Variants in TBL1XR1 observed in about 807,000 individuals in gnomAD.
The protein encoded by TBL1XR1 is F-box-like/WD repeat-containing protein TBL1XR1.
In TBL1XR1, 5 loss-of-function variants were observed where a neutral mutation model predicts 66.9. The observed-to-expected ratio is 0.07, with a 90% CI of 0.04 to 0.16. The LOEUF (loss-of-function observed/expected upper bound fraction) is 0.16. TBL1XR1 is among the 10% of genes least tolerant of loss of function. The pLI is 1.00. For synonymous variants in TBL1XR1, 210 were observed against 206.0 expected (o/e 1.02, Z -0.17); for missense variants, 238 against 623.2 (o/e 0.38, Z 6.58).
chr3:177,069,765 A>G (rs867046801), intron 2 of TBL1XR1, among the ~76,000 whole-genome samples: 13 of 118,576 alleles, frequency 1.1e-4, no homozygotes, highest in Admixed American at 5.2e-4. Flanking sequence ...GAAAGGAAAG[A>G]AAGGAAGGAA....
intron 1 of TBL1XR1, among the ~76,000 whole-genome samples, chr3:177,162,043 G>A (rs918907621): frequency 7.9e-5 from 12 of 152,246 alleles, no homozygotes; most frequent in Admixed American, 5.9e-4. Context: ...TTGAGGAATG[G>A]TTATAGCAGT....
rs1201300 is a variant in TBL1XR1, at chr3:177,047,465, A to G, written c.766+21T>C. 2.5e-6 allele frequency: 4 copies of G among 1,610,704 alleles called. No homozygotes were observed. The African/African-American group carries it at 5.4e-5, about 22-fold the overall frequency. On this transcript the variant is annotated intron_variant, in intron 8 of 15. Coordinates refer to ENST00000457928, the MANE Select transcript of TBL1XR1 (RefSeq NM_024665.7). ...TATCTTTAGATCAACAACAAAGTAA[A>G]AAGGAAAATGCTTCATTTACCATCT...
rs986244913 is a variant in TBL1XR1, at chr3:177,023,949, C to T, written c.*1549G>A. The T allele has an allele frequency of 2.0e-5, 3 of 151,996 alleles. No homozygotes were observed. Among genetic ancestry groups the T allele is most frequent in the Admixed American group, 6.6e-5 (1 of 15,254 alleles). 9.4% of individuals were successfully genotyped at this position (151,996 alleles called of 1,614,324 possible). A position where few individuals can be genotyped will look rare whatever the true frequency, so the allele number is the denominator to read the frequency against. ...CTGGATTATGTTAATCATGACAAGC[C>T]TTATTAGTCACACATATAAACATGG... On this transcript the variant is annotated 3_prime_UTR_variant, in exon 16 of 16. Transcript: ENST00000457928.
chr3:177,094,035 C>G (rs1338800111), intron 2 of TBL1XR1, among the ~76,000 whole-genome samples: 3 of 152,062 alleles, frequency 2.0e-5, no homozygotes, highest in South Asian at 2.1e-4. Context: ...GCAGAGTAAA[C>G]AGACAACCCA....
chr3:177,042,994 A>C (rs1367604376), intron 10 of TBL1XR1, among the ~76,000 whole-genome samples: 1 of 152,164 alleles, frequency 6.6e-6, no homozygotes, highest in Non-Finnish European at 1.5e-5. Context: ...ATTTCAGTAT[A>C]TTATTAACTT....
intron 14 of TBL1XR1, 101 bp from the exon 15 acceptor site, chr3:177,026,575 G>A: frequency 1.2e-6 from 1 of 808,794 alleles, no homozygotes; most frequent in Non-Finnish European, 1.8e-6. Context: ...CTAGCAATCA[G>A]AGGAGGGACT....
At chr3:177,056,495 C>A (rs1174275575) in intron 3 of TBL1XR1, among the ~76,000 whole-genome samples, 2 of 152,170 alleles carry the variant, frequency 1.3e-5, no homozygotes, top group African/African-American at 2.4e-5. Context: ...AATGAAACAT[C>A]CCTGAAGTAG....
chr3:177,144,036 G>A (rs1444431322), intron 1 of TBL1XR1, among the ~76,000 whole-genome samples: 1 of 151,944 alleles, frequency 6.6e-6, no homozygotes. Context: ...ACCTGAGGTA[G>A]GGAGTTTAAG....
At chr3:177,086,471 T>C (rs7637259) in intron 2 of TBL1XR1, among the ~76,000 whole-genome samples, 33,545 of 151,762 alleles carry the variant, frequency 0.22, 4,053 homozygotes, top group East Asian at 0.5. Context: ...ATATGGGTAG[T>C]CTGTCTTACA....
rs1454909149 is a variant in TBL1XR1 at position 177,159,421 on chromosome 3, GATTT to G, written c.-122+37696_-122+37699del. ...TTCAATGCTGTTGTGAGAACTGTAT[GATTT>G]ATTTAAAAGAAATACTATAGAAAAG... is the stretch of plus-strand genomic sequence containing the variant. On this transcript the variant is annotated intron_variant, in intron 1 of 15. Transcript: ENST00000457928. 7.2e-5 allele frequency among the ~76,000 whole-genome samples: 11 copies of G among 152,106 alleles called. No individual in the cohort carries two copies. In the South Asian group the frequency reaches 1.2e-3, roughly 17 times the overall value.
intron 9 of TBL1XR1, among the ~76,000 whole-genome samples, chr3:177,047,065 G>C (rs752314899): frequency 6.6e-6 from 1 of 152,156 alleles, no homozygotes; most frequent in Non-Finnish European, 1.5e-5. Flanking sequence ...GTATGACATT[G>C]TTTATGGTTC....
chr3:177,114,118 GATGTT>G (rs1451074214), intron 1 of TBL1XR1, among the ~76,000 whole-genome samples: 5 of 152,068 alleles, frequency 3.3e-5, no homozygotes, highest in African/African-American at 7.2e-5. Flanking sequence ...ATGTAGAGTA[GATGTT>G]ATGTGCTCTT....
At position 177,050,110 on chromosome 3, in the gene TBL1XR1, T is replaced by G; in HGVS notation, c.589A>C (p.Asn197His). ...GSGDSTARIW[N>H]LSENSTSGST... ...CCACTGGTGCTGTTCTCACTAAGAT[T>G]CCATATTCTTGCTGTTGAGTCTCCA... The change falls in exon 7 of 16, where the codon AAT becomes CAT. Residue 197 changes from asparagine to histidine, a missense_variant. This residue lies in a region of TBL1XR1 where 26 missense variants were observed against 103.7 expected (regional missense o/e 0.25). Transcript: ENST00000457928. 1 of 1,612,970 alleles carries G rather than the reference T, an allele frequency of 6.2e-7. No individual in the cohort carries two copies. Among genetic ancestry groups the G allele is most frequent in the Non-Finnish European group, 8.5e-7 (1 of 1,179,534 alleles).
chr3:177,125,007 A>G (rs1274729477), intron 1 of TBL1XR1, among the ~76,000 whole-genome samples: 1 of 152,136 alleles, frequency 6.6e-6, no homozygotes, highest in Non-Finnish European at 1.5e-5. Flanking sequence ...ATGACCTTGG[A>G]TTAGGCAATG....
chr3:177,113,012 C>T (rs1428959262), intron 1 of TBL1XR1, among the ~76,000 whole-genome samples: 1 of 151,714 alleles, frequency 6.6e-6, no homozygotes, highest in African/African-American at 2.4e-5. Flanking sequence ...AAAACACACA[C>T]ACACACACAC....
At chr3:177,123,202 C>T (rs2108762187) in intron 1 of TBL1XR1, among the ~76,000 whole-genome samples, 1 of 152,138 alleles carries the variant, frequency 6.6e-6, no homozygotes, top group African/African-American at 2.4e-5. Context: ...TAAAAATGTA[C>T]AGTAACTTCA....
intron 2 of TBL1XR1, among the ~76,000 whole-genome samples, chr3:177,089,572 T>C (rs932019853): frequency 6.6e-6 from 1 of 152,218 alleles, no homozygotes; most frequent in African/African-American, 2.4e-5. Flanking sequence ...AGGAACTTTC[T>C]AGATCCACCT....
intron 1 of TBL1XR1, among the ~76,000 whole-genome samples, chr3:177,168,740 T>C (rs1733120552): frequency 6.6e-6 from 1 of 152,252 alleles, no homozygotes; most frequent in African/African-American, 2.4e-5. Flanking sequence ...ACATATACTT[T>C]ACAAAATATT....
intron 12 of TBL1XR1, 38 bp downstream of exon 12, chr3:177,038,060 G>A: frequency 6.3e-7 from 1 of 1,589,578 alleles, no homozygotes; most frequent in Non-Finnish European, 8.6e-7. Context: ...CATACTGTGT[G>A]ACACCGCCAA....
Sources: allele counts gnomAD v4.1 joint callset (sites outside exome capture counted in the v4.1 genomes callset), GRCh38; gene constraint gnomAD v4.1.1; regional missense constraint gnomAD v4.1.1; transcripts MANE v1.5; gene names NCBI Gene and HGNC (gene_info 2026-07-23, HGNC 2026-07-21).